The following ABTB2 variants were observed in gnomAD, a reference collection of about 807,000 sequenced individuals.
ABTB2 encodes ankyrin repeat and BTB domain containing 2.
Under a neutral mutation model 104.1 loss-of-function variants are expected in ABTB2, and 56 were observed. The ratio of observed to expected loss-of-function variants is 0.54; its 90% CI spans 0.43 to 0.67. ABTB2 has a LOEUF of 0.67. Ranked by LOEUF, ABTB2 falls within the 30% of genes least tolerant of loss-of-function variation. The pLI, the probability that ABTB2 is intolerant of heterozygous loss-of-function variation, is 0.00. For synonymous variants in ABTB2, 606 were observed against 608.2 expected (o/e 1.00, Z 0.05); for missense variants, 1,279 against 1,407.7 (o/e 0.91, Z 1.46).
At chr11:34,189,304 T>G (rs908241129) in intron 3 of ABTB2, 1 of 152,080 alleles carries the variant, frequency 6.6e-6, no homozygotes, top group African/African-American at 2.4e-5. Flanking sequence ...AAAAGAAATA[T>G]ATATATAATA....
At chr11:34,342,989 A>G (rs972120861) in intron 1 of ABTB2, among the ~76,000 whole-genome samples, 1 of 150,660 alleles carries the variant, frequency 6.6e-6, no homozygotes, top group Non-Finnish European at 1.5e-5. Context: ...TCATTTTTTG[A>G]GATGGAGTCT....
At chr11:34,272,460 C>G (rs967583656) in intron 1 of ABTB2, among the ~76,000 whole-genome samples, 2 of 152,028 alleles carry the variant, frequency 1.3e-5, no homozygotes, top group African/African-American at 4.8e-5. Flanking sequence ...GTGATCCCAG[C>G]ACTTTGGGAG....
At chr11:34,287,212 A>C (rs971986300) in intron 1 of ABTB2, among the ~76,000 whole-genome samples, 1 of 150,236 alleles carries the variant, frequency 6.7e-6, no homozygotes, top group Non-Finnish European at 1.5e-5. Context: ...GACTCATAGG[A>C]CTGTACACAC....
chr11:34,335,402 T>C (rs1391068509), intron 1 of ABTB2: 1 of 811,316 alleles, frequency 1.2e-6, no homozygotes, highest in Non-Finnish European at 2.2e-6. Flanking sequence ...TGAACTTTTC[T>C]AAGAGCACTT....
intron 4 of ABTB2, among the ~76,000 whole-genome samples, chr11:34,172,416 A>ATGTGTG (rs1420840744): frequency 4.7e-5 from 3 of 63,348 alleles, no homozygotes; most frequent in South Asian, 5.5e-4. Flanking sequence ...ATATATATAT[A>ATGTGTG]TATGTGTGTG....
chr11:34,354,355 G>A (rs1445867841), intron 1 of ABTB2, among the ~76,000 whole-genome samples: 3 of 152,122 alleles, frequency 2.0e-5, no homozygotes, highest in Non-Finnish European at 4.4e-5. Context: ...GGTGGCTCAC[G>A]CCTGTCGCCT....
intron 1 of ABTB2, among the ~76,000 whole-genome samples, chr11:34,238,013 T>C (rs1025055937): frequency 2.1e-4 from 32 of 152,328 alleles, no homozygotes; most frequent in African/African-American, 7.7e-4. Flanking sequence ...TATGCATGTA[T>C]CAAAATATCT....
At chr11:34,304,302 G>A (rs1473093466) in intron 1 of ABTB2, among the ~76,000 whole-genome samples, 1 of 152,110 alleles carries the variant, frequency 6.6e-6, no homozygotes, top group Non-Finnish European at 1.5e-5. Context: ...TGGAGAACAG[G>A]ATCTCACTAT....
intron 1 of ABTB2, among the ~76,000 whole-genome samples, chr11:34,341,621 C>G (rs1013131726): frequency 8.6e-5 from 13 of 152,020 alleles, no homozygotes; most frequent in African/African-American, 3.1e-4. Context: ...TTAACCTTAT[C>G]GAATTTGAAT....
intron 1 of ABTB2, among the ~76,000 whole-genome samples, chr11:34,304,167 T>G (rs1414134961): frequency 6.6e-6 from 1 of 152,180 alleles, no homozygotes; most frequent in Non-Finnish European, 1.5e-5. Flanking sequence ...CATTGGTGTA[T>G]AGGAAAAAAC....
chr11:34,171,036 T>C lies in ABTB2; in HGVS notation c.1433A>G (p.Asp478Gly). Residue 478 changes from aspartate to glycine, a missense_variant, in exon 5 of 17, where the codon GAT becomes GGT. Physicochemically the swap from Asp to Gly is moderately conservative, Grantham distance 94. Coordinates refer to ENST00000435224, the MANE Select transcript of ABTB2 (RefSeq NM_145804.3). ...GAATTTTTCAGTAGCTGCTCGGGCA[T>C]CCAGCCTCCGGAAGGAACTGAAACA... ...EHCFSSFRRL[D>G]ARAATEKFNQ... 6.2e-7 allele frequency: 1 copy of C among 1,614,144 alleles called. No individual in the cohort carries two copies. The highest frequency in any genetic ancestry group is 1.3e-5 in the African/African-American group (1 of 75,044).
chr11:34,272,048 C>T (rs961328400), intron 1 of ABTB2, among the ~76,000 whole-genome samples: 2 of 151,998 alleles, frequency 1.3e-5, no homozygotes, highest in Admixed American at 6.5e-5. Context: ...TGGGTACTAC[C>T]CAGTGGTCAT....
At chr11:34,314,845 GC>G (rs1854905587) in intron 1 of ABTB2, among the ~76,000 whole-genome samples, 2 of 152,178 alleles carry the variant, frequency 1.3e-5, no homozygotes, top group African/African-American at 4.8e-5. Flanking sequence ...TGAGTGGGGG[GC>G]CCTGTGTGAC....
intron 9 of ABTB2, among the ~76,000 whole-genome samples, chr11:34,163,271 C>A (rs935436158): frequency 2.0e-5 from 3 of 152,160 alleles, no homozygotes; most frequent in African/African-American, 7.2e-5. Flanking sequence ...GTGAAAGTGT[C>A]TAAAACACAG....
intron 3 of ABTB2, among the ~76,000 whole-genome samples, chr11:34,174,398 T>C (rs1261993821): frequency 2.0e-5 from 3 of 150,794 alleles, no homozygotes; most frequent in Admixed American, 2.0e-4. Flanking sequence ...GGAATGGTCC[T>C]AGCGGGTCCG....
At chr11:34,337,831 C>A (rs1187234143) in intron 1 of ABTB2, among the ~76,000 whole-genome samples, 6 of 152,116 alleles carry the variant, frequency 3.9e-5, no homozygotes, top group African/African-American at 1.4e-4. Flanking sequence ...GAGATAGCAT[C>A]CAATAAACAT....
chr11:34,332,405 T>G (rs1417383194), intron 1 of ABTB2, among the ~76,000 whole-genome samples: 1 of 152,248 alleles, frequency 6.6e-6, no homozygotes, highest in African/African-American at 2.4e-5. Flanking sequence ...AATGGAATCC[T>G]ACACGCAAAA....
chr11:34,153,380 C>T (rs991850042), intron 16 of ABTB2, among the ~76,000 whole-genome samples: 10 of 151,564 alleles, frequency 6.6e-5, no homozygotes, highest in African/African-American at 2.2e-4. Context: ...TTTTGGGGGG[C>T]GGGGGTTGTG....
intron 14 of ABTB2, among the ~76,000 whole-genome samples, chr11:34,156,190 A>G (rs748956708): frequency 5.3e-5 from 8 of 152,190 alleles, no homozygotes; most frequent in Non-Finnish European, 1.2e-4. Flanking sequence ...TGGCACATGG[A>G]TCTCCCTGAG....
Sources: gnomAD v4.1 joint callset for allele counts (sites outside exome capture counted in the v4.1 genomes callset) on GRCh38, gnomAD v4.1.1 for gene constraint, MANE v1.5 for transcripts, NCBI Gene and HGNC (gene_info 2026-07-23, HGNC 2026-07-21) for gene names.